DAB1: variants seen among roughly 807,000 people sequenced by gnomAD.
DAB1 encodes disabled homolog 1.
In DAB1, 15 loss-of-function variants were observed where a neutral mutation model predicts 64.6. The observed-to-expected ratio is 0.23, with a 90% CI of 0.16 to 0.36. DAB1 has a LOEUF of 0.36. Ranked by LOEUF, DAB1 falls within the 10% of genes least tolerant of loss-of-function variation. The pLI is 1.00. For synonymous variants in DAB1, 235 were observed against 251.9 expected (o/e 0.93, Z 0.64); for missense variants, 596 against 706.7 (o/e 0.84, Z 1.78).
chr1:58,198,266 G>A (rs930336125), intron 4 of DAB1, among the ~76,000 whole-genome samples: 2 of 152,216 alleles, frequency 1.3e-5, no homozygotes, highest in Admixed American at 6.5e-5. Flanking sequence ...TAGTGTAAGC[G>A]GTATTGTGCA....
At chr1:58,003,034 TAA>T (rs1474142001) in intron 5 of DAB1, among the ~76,000 whole-genome samples, 2 of 152,208 alleles carry the variant, frequency 1.3e-5, no homozygotes, top group East Asian at 3.8e-4. Flanking sequence ...ATATCATTAA[TAA>T]AGACTATCAT....
At chr1:57,266,822 C>T (rs1009507663) in intron 2 of DAB1, among the ~76,000 whole-genome samples, 1 of 151,816 alleles carries the variant, frequency 6.6e-6, no homozygotes, top group Admixed American at 6.6e-5. Flanking sequence ...TGAATGATAC[C>T]CTGTCCCCGA....
chr1:57,404,594 C>CT (rs1219571150), intron 1 of DAB1, among the ~76,000 whole-genome samples: 2 of 151,932 alleles, frequency 1.3e-5, no homozygotes, highest in African/African-American at 4.8e-5. Context: ...CTCTTTTATG[C>CT]TTTTTTTGTG....
At chr1:58,169,826 G>A (rs191192814) in intron 4 of DAB1, among the ~76,000 whole-genome samples, 3 of 152,144 alleles carry the variant, frequency 2.0e-5, no homozygotes, top group East Asian at 3.9e-4. Context: ...CCAGGCTATC[G>A]GTTATGTCCC....
At chr1:57,956,759 T>A (rs1018374523) in intron 5 of DAB1, among the ~76,000 whole-genome samples, 12 of 152,232 alleles carry the variant, frequency 7.9e-5, no homozygotes, top group African/African-American at 2.7e-4. Flanking sequence ...CTGCAGCTAA[T>A]GATATGATAA....
At chr1:57,639,387 T>C (rs1293425475) in intron 7 of DAB1, among the ~76,000 whole-genome samples, 1 of 148,380 alleles carries the variant, frequency 6.7e-6, no homozygotes. Context: ...AATAACTTTA[T>C]AAAGTTCTTT....
At chr1:58,379,620 A>C (rs979346117) in intron 3 of DAB1, among the ~76,000 whole-genome samples, 2 of 152,264 alleles carry the variant, frequency 1.3e-5, no homozygotes, top group Admixed American at 1.3e-4. Context: ...AATATATTTG[A>C]ATACCTATTG....
intron 4 of DAB1, among the ~76,000 whole-genome samples, chr1:57,116,772 A>T (rs1656174978): frequency 6.6e-6 from 1 of 152,194 alleles, no homozygotes; most frequent in Non-Finnish European, 1.5e-5. Flanking sequence ...TGAATCTACT[A>T]GGATACCTGC....
intron 7 of DAB1, among the ~76,000 whole-genome samples, chr1:57,472,610 C>G (rs12410761): frequency 0.038 from 5,737 of 151,680 alleles, 270 homozygotes; most frequent in Admixed American, 0.13. Flanking sequence ...CATGCAGCCC[C>G]CAGTCACATA....
At chr1:57,577,628 C>T (rs369412933) in intron 7 of DAB1, among the ~76,000 whole-genome samples, 6 of 152,142 alleles carry the variant, frequency 3.9e-5, no homozygotes, top group Admixed American at 2.6e-4. Flanking sequence ...CGAGAACCAA[C>T]TGAAGCCAAA....
intron 5 of DAB1, among the ~76,000 whole-genome samples, chr1:57,976,129 G>T (rs1028057293): frequency 6.6e-6 from 1 of 152,198 alleles, no homozygotes. Context: ...TTCAGACTTC[G>T]TGGACTAGGT....
chr1:57,855,152 C>T (rs1569853939), intron 1 of DAB1, among the ~76,000 whole-genome samples: 1 of 152,108 alleles, frequency 6.6e-6, no homozygotes, highest in African/African-American at 2.4e-5. Flanking sequence ...TATGAGTGCA[C>T]AGCAACTTCT....
intron 3 of DAB1, among the ~76,000 whole-genome samples, chr1:58,471,862 G>A (rs1273652253): frequency 6.6e-6 from 1 of 152,032 alleles, no homozygotes; most frequent in Non-Finnish European, 1.5e-5. Flanking sequence ...CATGCTTCCT[G>A]TACAGCCTGC....
intron 1 of DAB1, among the ~76,000 whole-genome samples, chr1:58,545,038 C>T (rs1292663421): frequency 4.6e-5 from 7 of 152,140 alleles, no homozygotes; most frequent in Non-Finnish European, 1.0e-4. Flanking sequence ...CCTGGACTTT[C>T]GTTGGTTTTC....
intron 4 of DAB1, among the ~76,000 whole-genome samples, chr1:58,285,281 A>G (rs2100444019): frequency 6.6e-6 from 1 of 152,332 alleles, no homozygotes; most frequent in East Asian, 1.9e-4. Flanking sequence ...CCTAATCAAC[A>G]TAGTATTGGA....
intron 7 of DAB1, among the ~76,000 whole-genome samples, chr1:57,611,806 G>A (rs181159722): frequency 1.8e-4 from 28 of 152,252 alleles, no homozygotes; most frequent in Admixed American, 1.6e-3. Flanking sequence ...TCTCCTAAAG[G>A]AATAGTATTT....
intron 1 of DAB1, among the ~76,000 whole-genome samples, chr1:57,343,568 C>T (rs2113456): frequency 0.51 from 77,663 of 152,118 alleles, 20,576 homozygotes; most frequent in Non-Finnish European, 0.56. Flanking sequence ...TCAGGCATGG[C>T]GGGCTGCAGG....
At chr1:58,432,881 G>A (rs1459560865) in intron 3 of DAB1, among the ~76,000 whole-genome samples, 2 of 152,158 alleles carry the variant, frequency 1.3e-5, no homozygotes, top group African/African-American at 2.4e-5. Flanking sequence ...CCTGCTCTGC[G>A]AGCCCTCCCC....
intron 1 of DAB1, among the ~76,000 whole-genome samples, chr1:57,852,972 C>T (rs1159588190): frequency 6.6e-6 from 1 of 152,106 alleles, no homozygotes; most frequent in Admixed American, 6.5e-5. Context: ...ATTTTCTACA[C>T]TATACTAAGT....
Sources: allele counts gnomAD v4.1 joint callset (sites outside exome capture counted in the v4.1 genomes callset), GRCh38; gene constraint gnomAD v4.1.1; transcripts MANE v1.5; gene names NCBI Gene and HGNC (gene_info 2026-07-23, HGNC 2026-07-21).